The following GRK5 variants were observed in gnomAD, a reference collection of about 807,000 sequenced individuals.
GRK5 encodes the protein g protein-coupled receptor kinase GRK5.
A neutral mutation model predicts 78.4 loss-of-function variants in GRK5; 40 were observed. That is an observed-to-expected ratio of 0.51 (90% confidence interval 0.40 to 0.66). GRK5 has a LOEUF of 0.66. GRK5 is among the 30% of genes least tolerant of loss of function. GRK5 has a pLI of 0.00. For missense variants in GRK5, 598 were observed against 759.9 expected (o/e 0.79, Z 2.50); for synonymous variants, 289 against 296.8 (o/e 0.97, Z 0.27).
chr10:119,230,853 AG>A (rs1261590636), intron 1 of GRK5, among the ~76,000 whole-genome samples: 11 of 149,844 alleles, frequency 7.3e-5, no homozygotes, highest in Non-Finnish European at 1.2e-4. Flanking sequence ...AAAAAAAAAA[AG>A]AGCCACTGAG....
At position 119,253,233 on chromosome 10, in the gene GRK5, C is replaced by G. The variant is rs1222223620; in HGVS notation, c.52+45264C>G. On this transcript the variant is annotated intron_variant, in intron 1 of 15. Coordinates refer to ENST00000392870, the MANE Select transcript of GRK5 (RefSeq NM_005308.3). This position sits in a 1 kb window ranked among gnomAD's most constrained non-coding sequence, Gnocchi z 5.7. ...AGGGTCTGTTGAGATTACAGAGGCC[C>G]TTGATAGAGTCCGAAATTTGAAGGA... 1.3e-5 allele frequency among the ~76,000 whole-genome samples: 2 copies of G among 152,156 alleles called. No individual in the cohort carries two copies. The highest frequency in any genetic ancestry group is 2.9e-5 in the Non-Finnish European group (2 of 68,040).
At chr10:119,323,002 C>G (rs1335755388) in intron 1 of GRK5, among the ~76,000 whole-genome samples, 1 of 152,234 alleles carries the variant, frequency 6.6e-6, no homozygotes, top group African/African-American at 2.4e-5. Context: ...GACACATGCT[C>G]CAACATGGGC....
At chr10:119,258,867 C>T (rs1293697154) in intron 1 of GRK5, among the ~76,000 whole-genome samples, 1 of 152,158 alleles carries the variant, frequency 6.6e-6, no homozygotes, top group Admixed American at 6.5e-5. Context: ...TGACTGAGGG[C>T]TCCTGCGGGA....
intron 2 of GRK5, among the ~76,000 whole-genome samples, chr10:119,364,484 T>G (rs891773876): frequency 6.6e-6 from 1 of 152,278 alleles, no homozygotes; most frequent in East Asian, 1.9e-4. Context: ...CCATATACTT[T>G]CTGAATTTGG....
At chr10:119,440,194 G>T (rs1472968766) in intron 10 of GRK5, among the ~76,000 whole-genome samples, 3 of 152,112 alleles carry the variant, frequency 2.0e-5, no homozygotes, top group African/African-American at 7.2e-5. Flanking sequence ...GAAGAGGGTG[G>T]TGGAGAGGCT....
intron 3 of GRK5, among the ~76,000 whole-genome samples, chr10:119,394,181 G>GGTATCCGT (rs1851944206): frequency 3.0e-5 from 1 of 33,350 alleles, no homozygotes; most frequent in African/African-American, 1.1e-4. Context: ...TGTGTGTGTG[G>GGTATCCGT]GTGTCTGTGT....
chr10:119,233,615 G>A (rs190632824), intron 1 of GRK5, among the ~76,000 whole-genome samples: 71 of 152,250 alleles, frequency 4.7e-4, no homozygotes, highest in African/African-American at 1.5e-3. Flanking sequence ...TTGGGTGAAC[G>A]TGTGACTTGC....
At chr10:119,211,211 C>T (rs938975015) in intron 1 of GRK5, among the ~76,000 whole-genome samples, 2 of 152,112 alleles carry the variant, frequency 1.3e-5, no homozygotes, top group African/African-American at 2.4e-5. Context: ...CTTTAGATTG[C>T]TCTCCTAAAA....
At chr10:119,376,401 AC>A (rs1231504712) in intron 2 of GRK5, among the ~76,000 whole-genome samples, 1 of 152,136 alleles carries the variant, frequency 6.6e-6, no homozygotes, top group Non-Finnish European at 1.5e-5. Context: ...TCAAGAAGAT[AC>A]CCTTAACATC....
intron 1 of GRK5, among the ~76,000 whole-genome samples, chr10:119,274,359 G>T (rs1463193542): frequency 6.6e-6 from 1 of 152,220 alleles, no homozygotes; most frequent in African/African-American, 2.4e-5. Context: ...CAGGGGTGGG[G>T]CTGCATGTGG....
At position 119,271,619 on chromosome 10, in the gene GRK5, G is replaced by A. The variant is rs1849583891; in HGVS notation, c.53-54897G>A. On this transcript the variant is annotated intron_variant, in intron 1 of 15. Coordinates refer to ENST00000392870, the MANE Select transcript of GRK5 (RefSeq NM_005308.3). The surrounding 1 kb of genome is among the most constrained non-coding windows in gnomAD (Gnocchi z 4.1). ...GTAAATGACTCACCCCATCAGTGCT[G>A]GGCTGGTGTGTGCGGGGTTTTGTCG... Among the ~76,000 whole-genome samples the A allele has an allele frequency of 2.0e-5, 3 of 152,178 alleles. No individual in the cohort carries two copies. Among genetic ancestry groups the A allele is most frequent in the Non-Finnish European group, 4.4e-5 (3 of 68,026 alleles).
At chr10:119,404,314 C>T (rs1349472967) in intron 4 of GRK5, among the ~76,000 whole-genome samples, 2 of 152,174 alleles carry the variant, frequency 1.3e-5, no homozygotes, top group East Asian at 1.9e-4. Flanking sequence ...TGTGTAACTT[C>T]TGTGGGAAAT....
chr10:119,441,911 G>A (rs1853043791), intron 10 of GRK5, 88 bp from the exon 11 acceptor site: 1 of 987,332 alleles, frequency 1.0e-6, no homozygotes, highest in African/African-American at 1.6e-5. Context: ...AATGCCGAGA[G>A]CTCGTATGCC....
chr10:119,425,287 AC>A (rs1433109377), intron 6 of GRK5, among the ~76,000 whole-genome samples: 3 of 118,952 alleles, frequency 2.5e-5, no homozygotes, highest in Non-Finnish European at 5.3e-5. Context: ...ACACACACAC[AC>A]ACACACACAA....
At chr10:119,220,159 C>T (rs750791680) in intron 1 of GRK5, among the ~76,000 whole-genome samples, 8 of 152,186 alleles carry the variant, frequency 5.3e-5, no homozygotes, top group Admixed American at 4.6e-4. Flanking sequence ...AAGAGGCCAA[C>T]ATGATGAGGC....
intron 4 of GRK5, among the ~76,000 whole-genome samples, chr10:119,402,388 C>T (rs933345911): frequency 6.6e-6 from 1 of 152,152 alleles, no homozygotes; most frequent in Admixed American, 6.5e-5. Flanking sequence ...CTGAGCAGCT[C>T]ACCTTCTACC....
Position 119,453,219 on chromosome 10 carries a change from A to G in GRK5, c.1617A>G (p.Arg539=), listed in dbSNP as rs748509370. 13 of 1,613,730 alleles carry G rather than the reference A, an allele frequency of 8.1e-6. No individual in the cohort carries two copies. The Admixed American group carries it at 2.2e-4, about 27-fold the overall frequency. The change falls in exon 15 of 16, where the codon AGA becomes AGG. Residue 539 remains arginine, a synonymous_variant. Coordinates refer to ENST00000392870, the MANE Select transcript of GRK5 (RefSeq NM_005308.3). ...GTACCCTCCCGCCAGATCTGAACAG[A>G]AACCACCCTCCGGAACCGCCCAAGA... The part of the protein sequence containing the change: ...PNGTLPPDLN[R]NHPPEPPKKG...
At position 119,379,148 on chromosome 10, in the gene GRK5, A is replaced by C. The variant is rs141409351; in HGVS notation, c.149-1667A>C. On this transcript the variant is annotated intron_variant, in intron 2 of 15. Transcript: ENST00000392870. This position sits in a 1 kb window ranked among gnomAD's most constrained non-coding sequence, Gnocchi z 4.1. ...ATTATCACATCCATAACGATGAGAA[A>C]TGGGGTTTATTAATGTGCCAGCATC... is the stretch of plus-strand genomic sequence containing the variant. Among the ~76,000 whole-genome samples the C allele has an allele frequency of 6.6e-6, 1 of 152,334 alleles. No homozygotes were observed. The highest frequency in any genetic ancestry group is 1.5e-5 in the Non-Finnish European group (1 of 68,020).
chr10:119,234,797 A>G (rs1848893037), intron 1 of GRK5, among the ~76,000 whole-genome samples: 1 of 148,710 alleles, frequency 6.7e-6, no homozygotes, highest in Admixed American at 6.7e-5. Flanking sequence ...GGTTCAAGTG[A>G]TTGTCCTGCC....
Sources: allele counts gnomAD v4.1 joint callset (sites outside exome capture counted in the v4.1 genomes callset), GRCh38; gene constraint gnomAD v4.1.1; non-coding constraint Gnocchi (gnomAD v3.1); transcripts MANE v1.5; gene names NCBI Gene and HGNC (gene_info 2026-07-23, HGNC 2026-07-21).